KCNK3: variants seen among roughly 807,000 people sequenced by gnomAD.
KCNK3 encodes potassium two pore domain channel subfamily K member 3.
In KCNK3, 9 loss-of-function variants were observed where a neutral mutation model predicts 27.3. That is an observed-to-expected ratio of 0.33 (90% CI 0.20 to 0.57). The LOEUF is 0.57. Among genes scored for constraint, KCNK3 ranks in the 20% least tolerant of loss-of-function variants. The pLI, the probability that KCNK3 is intolerant of heterozygous loss-of-function variation, is 0.87. For missense variants in KCNK3, 391 were observed against 577.7 expected (o/e 0.68, Z 3.31); for synonymous variants, 278 against 273.8 (o/e 1.02, Z -0.15).
chr2:26,698,418 A>T (rs1331849946), intron 1 of KCNK3, among the ~76,000 whole-genome samples: 1 of 152,210 alleles, frequency 6.6e-6, no homozygotes, highest in Non-Finnish European at 1.5e-5. Context: ...TGGACACATT[A>T]TCTAATCTCT....
rs1261839785 is a variant in KCNK3 at position 26,729,273 on chromosome 2, C to G, written c.*705C>G. The G allele has an allele frequency of 1.3e-5, 2 of 152,372 alleles. No homozygotes were observed. Among genetic ancestry groups the G allele is most frequent in the Non-Finnish European group, 2.9e-5 (2 of 68,064 alleles). 9.4% of individuals were successfully genotyped at this position (152,372 alleles called of 1,614,324 possible). A position where few individuals can be genotyped will look rare whatever the true frequency, so the allele number is the denominator to read the frequency against. On this transcript the variant is annotated 3_prime_UTR_variant, in exon 2 of 2. Coordinates refer to ENST00000302909, the MANE Select transcript of KCNK3 (RefSeq NM_002246.3). ...GAGGTTCAAGCTAACTGGCCTCCAG[C>G]CACATTCTCATAGCAGGTAGGACTT...
At position 26,693,118 on chromosome 2, in the gene KCNK3, C is replaced by A; in HGVS notation, c.243C>A (p.Ala81=). The part of the protein sequence containing the change: ...PHKAGVQWRF[A]GSFYFAITVI... ...AGGCCGGCGTGCAGTGGCGCTTCGC[C>A]GGCTCCTTCTACTTCGCCATCACCG... Residue 81 remains alanine, a synonymous_variant, in exon 1 of 2, where the codon GCC becomes GCA. Coordinates refer to ENST00000302909, the MANE Select transcript of KCNK3 (RefSeq NM_002246.3). This position sits in a 1 kb window ranked among gnomAD's most constrained non-coding sequence, Gnocchi z 5.5. 1 of 1,584,890 alleles carries A rather than the reference C, an allele frequency of 6.3e-7. No homozygotes were observed.
At chr2:26,720,371 C>G (rs1663306403) in intron 1 of KCNK3, among the ~76,000 whole-genome samples, 1 of 152,326 alleles carries the variant, frequency 6.6e-6, no homozygotes, top group Middle Eastern at 3.4e-3. Context: ...TGGGGTGCCT[C>G]TGAGGGCCTC....
rs931530443 is a variant in KCNK3 at position 26,693,329 on chromosome 2, G to A, written c.283+171G>A. ...CCTGGCGTGTGTGCTCCGCGGGGAC[G>A]GAACTCGGGGAGGCGTCGATTCCTG... On this transcript the variant is annotated intron_variant, in intron 1 of 1. Coordinates refer to ENST00000302909, the MANE Select transcript of KCNK3 (RefSeq NM_002246.3). The surrounding 1 kb of genome is among the most constrained non-coding windows in gnomAD (Gnocchi z 5.5). Among the ~76,000 whole-genome samples the A allele has an allele frequency of 2.6e-5, 4 of 152,218 alleles. No homozygotes were observed. Among genetic ancestry groups the A allele is most frequent in the African/African-American group, 7.2e-5 (3 of 41,468 alleles).
intron 1 of KCNK3, among the ~76,000 whole-genome samples, chr2:26,718,341 C>T (rs193172790): frequency 6.6e-6 from 1 of 152,184 alleles, no homozygotes; most frequent in East Asian, 1.9e-4. Flanking sequence ...TTGAAAGCAC[C>T]TCAAATTTTG....
chr2:26,729,920 C>G lies in KCNK3; in HGVS notation c.*1352C>G, dbSNP rs1447245859. The stretch of plus-strand genomic sequence containing the variant: ...AAGTGTTCTTTCCTTCCAGCTTGGC[C>G]TGCTCTTAAAAGCAAAGCTCCTGCA... On this transcript the variant is annotated 3_prime_UTR_variant, in exon 2 of 2. Transcript: ENST00000302909. 1 of 152,208 alleles carries G rather than the reference C, an allele frequency of 6.6e-6. No homozygotes were observed. The highest frequency in any genetic ancestry group is 1.9e-4 in the East Asian group (1 of 5,192). The allele number at this position is 152,208 out of a possible 1,614,324, so 9.4% of individuals were successfully genotyped here.
chr2:26,702,501 T>C (rs905709929), intron 1 of KCNK3, among the ~76,000 whole-genome samples: 2 of 152,156 alleles, frequency 1.3e-5, no homozygotes, highest in African/African-American at 4.8e-5. Context: ...TCTGAGTGTG[T>C]CCAAGGGGTT....
chr2:26,724,174 C>A (rs1373224383), intron 1 of KCNK3, among the ~76,000 whole-genome samples: 2 of 152,240 alleles, frequency 1.3e-5, no homozygotes, highest in African/African-American at 4.8e-5. Flanking sequence ...GTCAGCAGGT[C>A]CTCACACTCC....
At chr2:26,724,625 G>A in intron 1 of KCNK3, 2 of 985,276 alleles carry the variant, frequency 2.0e-6, no homozygotes, top group Non-Finnish European at 2.4e-6. Context: ...CTGGGGGCAT[G>A]TGACCCCAAA....
chr2:26,696,678 T>C (rs1221859977), intron 1 of KCNK3, among the ~76,000 whole-genome samples: 1 of 152,140 alleles, frequency 6.6e-6, no homozygotes, highest in Non-Finnish European at 1.5e-5. Flanking sequence ...TCTTAGGAAG[T>C]CTTAACCACT....
chr2:26,700,759 A>G (rs1670297914), intron 1 of KCNK3, among the ~76,000 whole-genome samples: 1 of 151,952 alleles, frequency 6.6e-6, no homozygotes, highest in Non-Finnish European at 1.5e-5. Flanking sequence ...CATCATCATC[A>G]TCATCACCAT....
At chr2:26,716,369 T>G (rs993004157) in intron 1 of KCNK3, among the ~76,000 whole-genome samples, 3 of 152,180 alleles carry the variant, frequency 2.0e-5, no homozygotes, top group Non-Finnish European at 4.4e-5. Context: ...ATACAAGGGA[T>G]TATTATTCTA....
At chr2:26,722,119 T>C (rs1470256728) in intron 1 of KCNK3, among the ~76,000 whole-genome samples, 1 of 152,242 alleles carries the variant, frequency 6.6e-6, no homozygotes, top group East Asian at 1.9e-4. Context: ...CACCTTTTCC[T>C]GGCCTTGATC....
intron 1 of KCNK3, among the ~76,000 whole-genome samples, chr2:26,699,648 G>A (rs1670282969): frequency 6.6e-6 from 1 of 152,140 alleles, no homozygotes; most frequent in Admixed American, 6.5e-5. Flanking sequence ...GAGACCACTG[G>A]GGGTCTAGGC....
Position 26,692,810 on chromosome 2 carries a change from A to C in KCNK3, c.-66A>C. The C allele has an allele frequency of 2.2e-6, 2 of 891,698 alleles. No individual in the cohort carries two copies. The highest frequency in any genetic ancestry group is 2.7e-6 in the Non-Finnish European group (2 of 743,904). 55.2% of individuals were successfully genotyped at this position (891,698 alleles called of 1,614,324 possible). A position where few individuals can be genotyped will look rare whatever the true frequency, so the allele number is the denominator to read the frequency against. On this transcript the variant is annotated 5_prime_UTR_variant, in exon 1 of 2. Transcript: ENST00000302909. The surrounding 1 kb of genome is among the most constrained non-coding windows in gnomAD (Gnocchi z 5.6). ...CCCAGGCCGCCTCCGGGGCAGCAGC[A>C]GCGGCGGCCGGGGCCGAGGCGCGGG... is the stretch of plus-strand genomic sequence containing the variant.
chr2:26,726,367 C>G lies in KCNK3; in HGVS notation c.284-1300C>G, dbSNP rs192928739. The stretch of plus-strand genomic sequence containing the variant: ...GGTGGTAATATTGGCCCTGGAATTA[C>G]AAGCTGAACATTTTCAGTGCCACTC... On this transcript the variant is annotated intron_variant, in intron 1 of 1. Coordinates refer to ENST00000302909, the MANE Select transcript of KCNK3 (RefSeq NM_002246.3). 1.4e-4 allele frequency among the ~76,000 whole-genome samples: 22 copies of G among 152,214 alleles called. 1 individual carries two copies. Among genetic ancestry groups the G allele is most frequent in the Non-Finnish European group, 3.1e-4 (21 of 68,004 alleles).
At position 26,728,666 on chromosome 2, in the gene KCNK3, C is replaced by A; in HGVS notation, c.*98C>A. ...TGCTGCCTTCTGCCCAGTGGGACCC[C>A]GCACAACATCCCTCACCACTCTCCC... On this transcript the variant is annotated 3_prime_UTR_variant, in exon 2 of 2. Coordinates refer to ENST00000302909, the MANE Select transcript of KCNK3 (RefSeq NM_002246.3). The A allele has an allele frequency of 9.8e-7, 1 of 1,021,280 alleles. No homozygotes were observed. The highest frequency in any genetic ancestry group is 2.3e-5 in the South Asian group (1 of 44,176). The allele number at this position is 1,021,280 out of a possible 1,614,324, so 63.3% of individuals were successfully genotyped here.
intron 1 of KCNK3, among the ~76,000 whole-genome samples, chr2:26,720,268 A>G (rs964255176): frequency 1.1e-4 from 17 of 152,214 alleles, no homozygotes; most frequent in African/African-American, 4.1e-4. Flanking sequence ...GAAACAAAAC[A>G]AAACAAAACA....
chr2:26,719,524 G>A (rs11695473), intron 1 of KCNK3, among the ~76,000 whole-genome samples: 34,112 of 151,968 alleles, frequency 0.22, 4,022 homozygotes, highest in Middle Eastern at 0.26. Context: ...GCCCTCCTTC[G>A]GCTTCTGTCT....
Sources: allele counts gnomAD v4.1 joint callset (sites outside exome capture counted in the v4.1 genomes callset), GRCh38; gene constraint gnomAD v4.1.1; non-coding constraint Gnocchi (gnomAD v3.1); transcripts MANE v1.5; gene names NCBI Gene and HGNC (gene_info 2026-07-23, HGNC 2026-07-21).